SIPA1L3: variants seen among roughly 807,000 people sequenced by gnomAD.
SIPA1L3 encodes the protein signal induced proliferation associated 1 like 3.
SIPA1L3 carries 59 observed loss-of-function variants against 150.1 expected under a neutral mutation model. The observed-to-expected ratio is 0.39, with a 90% CI of 0.32 to 0.49. The LOEUF is 0.49. Among genes scored for constraint, SIPA1L3 ranks in the 20% least tolerant of loss-of-function variants. The pLI is 0.86. For synonymous variants in SIPA1L3, 1,070 were observed against 1,077.6 expected, an observed-to-expected ratio of 0.99 and a Z score of 0.14; for missense variants, 2,211 against 2,489.5, an observed-to-expected ratio of 0.89 and a Z score of 2.38.
rs139604599 is a variant in SIPA1L3 at position 38,031,327 on chromosome 19, G to A, written c.-311+2171G>A. ...AATCACATTTCACCAGTTTTTCTGC[G>A]GATGTCCTTTTTTCTTCCAAGAGTC... On this transcript the variant is annotated intron_variant, in intron 2 of 21. Transcript: ENST00000222345. 5.6e-4 allele frequency among the ~76,000 whole-genome samples: 85 copies of A among 152,196 alleles called. No homozygotes were observed. In the East Asian group the frequency reaches 6.0e-3, roughly 11 times the overall value.
chr19:38,179,460 A>G (rs1972512674), intron 15 of SIPA1L3, among the ~76,000 whole-genome samples: 1 of 152,198 alleles, frequency 6.6e-6, no homozygotes, highest in African/African-American at 2.4e-5. Context: ...AAAATAAAAA[A>G]TATATATAAT....
Position 38,083,367 on chromosome 19 carries a change from C to G in SIPA1L3, c.1534+268C>G, listed in dbSNP as rs539509276. ...TCAGCACATATGGACTTGGGGACAGCTCAGTGCCAGGCACTCTCTAGAGCC... is the reference window on the plus strand; with the variant it reads ...TCAGCACATATGGACTTGGGGACAGGTCAGTGCCAGGCACTCTCTAGAGCC... On this transcript the variant is annotated intron_variant, in intron 3 of 21. Coordinates refer to ENST00000222345, the MANE Select transcript of SIPA1L3 (RefSeq NM_015073.3). 2.4e-4 allele frequency among the ~76,000 whole-genome samples: 36 copies of G among 152,352 alleles called. No homozygotes were observed. In the Middle Eastern group the frequency reaches 0.02, roughly 86 times the overall value.
intron 1 of SIPA1L3, among the ~76,000 whole-genome samples, chr19:38,009,195 C>T (rs1370081791): frequency 2.0e-5 from 3 of 151,842 alleles, no homozygotes; most frequent in Non-Finnish European, 4.4e-5. Context: ...CCACCATGCC[C>T]GGCTAATAGA....
At chr19:38,143,772 C>T (rs1368861543) in intron 12 of SIPA1L3, among the ~76,000 whole-genome samples, 1 of 152,024 alleles carries the variant, frequency 6.6e-6, no homozygotes, top group Non-Finnish European at 1.5e-5. Flanking sequence ...CTCCTGGCCT[C>T]AAGCGATCCG....
chr19:38,086,327 A>G lies in SIPA1L3; in HGVS notation c.1535-2394A>G, dbSNP rs8103538. On this transcript the variant is annotated intron_variant, in intron 3 of 21. Transcript: ENST00000222345. ...GGCAGGTAGGAAGTACTCATCCTGG[A>G]GCTTTAAAAAAAAAAGCCGTTTTCT... Among the ~76,000 whole-genome samples, 203 of 152,164 alleles carry G rather than the reference A, an allele frequency of 1.3e-3. 1 individual carries two copies. Among genetic ancestry groups the G allele is most frequent in the African/African-American group, 4.7e-3 (194 of 41,508 alleles).
chr19:38,198,367 C>T (rs758001157), intron 18 of SIPA1L3, 22 bp from the exon 19 acceptor site: 16 of 1,515,178 alleles, frequency 1.1e-5, no homozygotes, highest in Non-Finnish European at 1.3e-5. Context: ...CAACCACTGC[C>T]ATCTCCACCC....
At chr19:38,023,968 T>C (rs1968440644) in intron 1 of SIPA1L3, among the ~76,000 whole-genome samples, 1 of 152,116 alleles carries the variant, frequency 6.6e-6, no homozygotes, top group Non-Finnish European at 1.5e-5. Flanking sequence ...CCAGCAACAG[T>C]TGCAATCTCT....
chr19:37,991,798 AC>A (rs1459219440), intron 1 of SIPA1L3, among the ~76,000 whole-genome samples: 1 of 151,978 alleles, frequency 6.6e-6, no homozygotes, highest in African/African-American at 2.4e-5. Context: ...GCTTGCTAGG[AC>A]CGGGGTGGGG....
In SIPA1L3 at chr19:38,000,910, A is replaced by G. The variant is rs202061040; in HGVS notation, c.-378-28179A>G. Among the ~76,000 whole-genome samples the G allele has an allele frequency of 8.2e-3, 649 of 79,116 alleles. 4 individuals carry two copies. The highest frequency in any genetic ancestry group is 0.01 in the Non-Finnish European group (388 of 38,780). 51.9% of individuals were successfully genotyped at this position (79,116 alleles called of 152,430 possible). On this transcript the variant is annotated intron_variant, in intron 1 of 21. Transcript: ENST00000222345. Reference sequence around the variant, plus strand: ...ATATATATGTTATATATATATATATAACATATATATAACATATATATAACA... The same window carrying G: ...ATATATATGTTATATATATATATATGACATATATATAACATATATATAACA...
At chr19:38,131,070 T>C (rs1195159161) in intron 10 of SIPA1L3, among the ~76,000 whole-genome samples, 1 of 152,236 alleles carries the variant, frequency 6.6e-6, no homozygotes, top group African/African-American at 2.4e-5. Context: ...ATGTTAATAG[T>C]TGCTTGCCTG....
chr19:38,119,891 G>A lies in SIPA1L3; in HGVS notation c.2868+9G>A. On this transcript the variant is annotated intron_variant, in intron 9 of 21. Coordinates refer to ENST00000222345, the MANE Select transcript of SIPA1L3 (RefSeq NM_015073.3). ...TAGTGCAGAGACTGAAGGTAAGGGA[G>A]AGAGCCCGGCGATAGGGCGGCGATT... is the stretch of plus-strand genomic sequence containing the variant. The A allele has an allele frequency of 6.3e-7, 1 of 1,588,128 alleles. No individual in the cohort carries two copies.
intron 18 of SIPA1L3, among the ~76,000 whole-genome samples, chr19:38,194,651 G>C (rs1972881050): frequency 6.6e-6 from 1 of 152,210 alleles, no homozygotes; most frequent in African/African-American, 2.4e-5. Context: ...CAGCTGAGGG[G>C]CTGTGCCTGC....
rs11335709 is a variant in SIPA1L3 at position 38,014,672 on chromosome 19, A to ATTTTTTTTTTTT, written c.-378-14413_-378-14402dup. Reference sequence around the variant, plus strand: ...GGCTCAAGCGATCCTCCCCCGGCTAATTTTTTTTTTTTTTTGAGACGGAGC... The same window carrying ATTTTTTTTTTTT: ...GGCTCAAGCGATCCTCCCCCGGCTAATTTTTTTTTTTTTTTTTTTTTTTTTTTGAGACGGAGC... On this transcript the variant is annotated intron_variant, in intron 1 of 21. Transcript: ENST00000222345. 3.6e-5 allele frequency among the ~76,000 whole-genome samples: 5 copies of ATTTTTTTTTTTT among 139,752 alleles called. No individual in the cohort carries two copies. In the East Asian group the frequency reaches 1.1e-3, roughly 30 times the overall value. The allele number at this position is 139,752 out of a possible 152,430, so 91.7% of individuals were successfully genotyped here.
At chr19:38,139,657 G>T (rs1221708191) in intron 10 of SIPA1L3, among the ~76,000 whole-genome samples, 1 of 152,150 alleles carries the variant, frequency 6.6e-6, no homozygotes, top group Admixed American at 6.5e-5. Flanking sequence ...TCGGGCCCTG[G>T]GTGCCAGAGC....
At chr19:37,950,658 C>T (rs183267886) in intron 1 of SIPA1L3, among the ~76,000 whole-genome samples, 83 of 151,682 alleles carry the variant, frequency 5.5e-4, no homozygotes, top group African/African-American at 1.9e-3. Flanking sequence ...ATGAAGGCTG[C>T]GCGGGGCCCT....
chr19:38,123,091 A>G (rs1226634567), intron 9 of SIPA1L3, among the ~76,000 whole-genome samples: 1 of 152,080 alleles, frequency 6.6e-6, no homozygotes, highest in Non-Finnish European at 1.5e-5. Flanking sequence ...AATAGTGAGG[A>G]TCAAATGGGC....
intron 1 of SIPA1L3, among the ~76,000 whole-genome samples, chr19:37,948,011 C>T (rs902485750): frequency 2.6e-5 from 4 of 152,162 alleles, no homozygotes; most frequent in African/African-American, 9.7e-5. Flanking sequence ...CCTTCAGGAG[C>T]CCCCTCCACG....
rs554291743 is a variant in SIPA1L3, at chr19:38,032,984, G to T, written c.-311+3828G>T. ...CACAGGGCAATTTTCGGACAAGGTG[G>T]CCAAGGAAGGCCTCTCTGAGGAGGC... On this transcript the variant is annotated intron_variant, in intron 2 of 21. Coordinates refer to ENST00000222345, the MANE Select transcript of SIPA1L3 (RefSeq NM_015073.3). Among the ~76,000 whole-genome samples the T allele has an allele frequency of 5.3e-5, 8 of 152,350 alleles. No homozygotes were observed. The East Asian group carries it at 1.5e-3, about 29-fold the overall frequency.
chr19:37,980,222 C>T (rs780874026), intron 1 of SIPA1L3, among the ~76,000 whole-genome samples: 8 of 152,244 alleles, frequency 5.3e-5, no homozygotes, highest in Admixed American at 2.6e-4. Flanking sequence ...ACTCCTCTCC[C>T]TGCCCACCTT....
Sources: gnomAD v4.1 joint callset for allele counts (sites outside exome capture counted in the v4.1 genomes callset) on GRCh38, gnomAD v4.1.1 for gene constraint, MANE v1.5 for transcripts, NCBI Gene and HGNC (gene_info 2026-07-23, HGNC 2026-07-21) for gene names.